The following MCC variants were observed in gnomAD, a reference collection of about 807,000 sequenced individuals.
MCC encodes the protein MCC regulator of Wnt signaling pathway.
In MCC, 90 loss-of-function variants were observed where a neutral mutation model predicts 116.2. The observed-to-expected ratio is 0.77, with a 90% CI of 0.65 to 0.92. MCC has a LOEUF of 0.92. Among genes scored for constraint, MCC ranks in the 40% least tolerant of loss-of-function variants. The pLI is 0.00. For missense variants in MCC, 1,516 were observed against 1,312.2 expected, an observed-to-expected ratio of 1.16 and a Z score of -2.40; for synonymous variants, 578 against 510.5, an observed-to-expected ratio of 1.13 and a Z score of -1.78.
chr5:113,036,682 C>G (rs1751351498), intron 17 of MCC, among the ~76,000 whole-genome samples: 1 of 152,206 alleles, frequency 6.6e-6, no homozygotes, highest in South Asian at 2.1e-4. Flanking sequence ...ACAGGCCTTG[C>G]CAGTGGCTGC....
intron 1 of MCC, among the ~76,000 whole-genome samples, chr5:113,404,400 C>T (rs1375347357): frequency 6.6e-6 from 1 of 152,148 alleles, no homozygotes; most frequent in African/African-American, 2.4e-5. Context: ...GAAAATGAGT[C>T]CTGGTCACAG....
chr5:113,480,992 G>C (rs757864636), intron 1 of MCC, among the ~76,000 whole-genome samples: 1 of 152,186 alleles, frequency 6.6e-6, no homozygotes, highest in South Asian at 2.1e-4. Context: ...GCTCAGGCTC[G>C]TCTTGAACTC....
At chr5:113,395,024 A>C (rs1391283314) in intron 1 of MCC, among the ~76,000 whole-genome samples, 1 of 152,214 alleles carries the variant, frequency 6.6e-6, no homozygotes, top group Non-Finnish European at 1.5e-5. Context: ...CCTTTACAGA[A>C]AAAGTTTGCA....
At chr5:113,206,980 T>C (rs1476137273) in intron 3 of MCC, among the ~76,000 whole-genome samples, 1 of 152,174 alleles carries the variant, frequency 6.6e-6, no homozygotes, top group African/African-American at 2.4e-5. Flanking sequence ...AGAACCCAGT[T>C]CTTCCCAACA....
intron 1 of MCC, among the ~76,000 whole-genome samples, chr5:113,482,407 T>A (rs1425417119): frequency 1.3e-5 from 2 of 152,188 alleles, no homozygotes; most frequent in East Asian, 3.8e-4. Flanking sequence ...TTTCTTTACA[T>A]CCTTGTCAAC....
chr5:113,137,632 T>C (rs915568179), intron 5 of MCC, among the ~76,000 whole-genome samples: 2 of 152,158 alleles, frequency 1.3e-5, no homozygotes, highest in African/African-American at 4.8e-5. Context: ...TTTTCATTAG[T>C]GATATTAGCC....
At chr5:113,144,443 T>G (rs1332966885) in intron 4 of MCC, among the ~76,000 whole-genome samples, 1 of 152,252 alleles carries the variant, frequency 6.6e-6, no homozygotes. Flanking sequence ...GTTTTCTTAG[T>G]GCCAAGAGCC....
intron 2 of MCC, among the ~76,000 whole-genome samples, chr5:113,378,384 G>A (rs1160186765): frequency 1.3e-5 from 2 of 152,160 alleles, no homozygotes; most frequent in African/African-American, 2.4e-5. Flanking sequence ...CACATCAGGT[G>A]AGAATCTACC....
At chr5:113,253,589 G>C (rs954553546) in intron 3 of MCC, among the ~76,000 whole-genome samples, 12 of 152,292 alleles carry the variant, frequency 7.9e-5, no homozygotes, top group African/African-American at 2.6e-4. Flanking sequence ...ATGAGCACAA[G>C]GAGGAGGGAA....
At chr5:113,130,922 G>C (rs1373891311) in intron 5 of MCC, among the ~76,000 whole-genome samples, 3 of 152,156 alleles carry the variant, frequency 2.0e-5, no homozygotes, top group African/African-American at 7.2e-5. Context: ...CTAAGACAGG[G>C]CCCCACTCTT....
chr5:113,183,933 T>G (rs565467456), intron 3 of MCC, among the ~76,000 whole-genome samples: 1 of 141,298 alleles, frequency 7.1e-6, no homozygotes, highest in East Asian at 2.4e-4. Context: ...CAATTCCCCA[T>G]GCAATTTTTC....
chr5:113,488,312 C>G lies in MCC; in HGVS notation c.103G>C (p.Gly35Arg), dbSNP rs767529467. ...SSSSSDTSST[G>R]EEERMRRLFQ... ...AGGCGCCGCATCCTCTCCTCCTCGC[C>G]GGTGCTGGACGTGTCGCTGCTGCTG... The change falls in exon 1 of 19, where the codon GGC (glycine) becomes CGC (arginine). Residue 35 changes from glycine to arginine, a missense_variant. By Grantham distance (125) the Gly-to-Arg change is moderately radical. Transcript: ENST00000408903. 4.4e-6 allele frequency: 7 copies of G among 1,574,538 alleles called. No individual in the cohort carries two copies. In the South Asian group the frequency reaches 8.0e-5, roughly 18 times the overall value.
chr5:113,359,053 A>C (rs1277143270), intron 2 of MCC, among the ~76,000 whole-genome samples: 1 of 152,190 alleles, frequency 6.6e-6, no homozygotes, highest in Non-Finnish European at 1.5e-5. Flanking sequence ...TTCAAAGGAC[A>C]TGTCTACTAA....
In MCC at chr5:113,051,860, G is replaced by C. The variant is rs542798627; in HGVS notation, c.2448+1865C>G. On this transcript the variant is annotated intron_variant, in intron 15 of 18. Transcript: ENST00000408903. ...CTCAGCAGTTGGATCCTAGAAACTG[G>C]TGAAAATCCAACGTAACCTGCTGGA... Among the ~76,000 whole-genome samples, 187 of 152,264 alleles carry C rather than the reference G, an allele frequency of 1.2e-3. 1 individual carries two copies. Among genetic ancestry groups the C allele is most frequent in the African/African-American group, 4.4e-3 (181 of 41,548 alleles).
chr5:113,285,175 T>C (rs979911552), intron 3 of MCC, among the ~76,000 whole-genome samples: 3 of 152,150 alleles, frequency 2.0e-5, no homozygotes, highest in Admixed American at 6.5e-5. Context: ...GTTTGAAAGT[T>C]TGGGAATATA....
chr5:113,133,797 C>T (rs1044100725), intron 5 of MCC, among the ~76,000 whole-genome samples: 4 of 152,102 alleles, frequency 2.6e-5, no homozygotes, highest in African/African-American at 7.2e-5. Context: ...CCATTATTCC[C>T]TATGCTTTGG....
chr5:113,446,918 A>C (rs1771236688), intron 1 of MCC, among the ~76,000 whole-genome samples: 1 of 152,166 alleles, frequency 6.6e-6, no homozygotes, highest in Non-Finnish European at 1.5e-5. Context: ...CCAGGTAACA[A>C]ACCTGCACAT....
At chr5:113,443,053 G>T (rs1421191196) in intron 1 of MCC, among the ~76,000 whole-genome samples, 4 of 152,192 alleles carry the variant, frequency 2.6e-5, no homozygotes, top group Non-Finnish European at 5.9e-5. Flanking sequence ...ATGGTAGCTT[G>T]ATGGGGATGG....
intron 2 of MCC, among the ~76,000 whole-genome samples, chr5:113,377,094 A>T (rs773382341): frequency 1.3e-5 from 2 of 152,204 alleles, no homozygotes; most frequent in Non-Finnish European, 2.9e-5. Flanking sequence ...AGCAGAAGGA[A>T]GGCTGATGAC....
Sources: gnomAD v4.1 joint callset for allele counts (sites outside exome capture counted in the v4.1 genomes callset) on GRCh38, gnomAD v4.1.1 for gene constraint, MANE v1.5 for transcripts, NCBI Gene and HGNC (gene_info 2026-07-23, HGNC 2026-07-21) for gene names.